The following CNTNAP2 variants were observed in gnomAD, a reference collection of about 807,000 sequenced individuals.
The protein encoded by CNTNAP2 is contactin associated protein 2, also known as contactin-associated protein-like 2.
A neutral mutation model predicts 155.2 loss-of-function variants in CNTNAP2; 98 were observed. The observed-to-expected ratio is 0.63, with a 90% CI of 0.54 to 0.75. The LOEUF (loss-of-function observed/expected upper bound fraction) is 0.75, where lower values mean the gene tolerates loss of function less well. Ranked by LOEUF, CNTNAP2 falls within the 30% of genes least tolerant of loss-of-function variation. The pLI, the probability that CNTNAP2 is intolerant of heterozygous loss-of-function variation, is 0.00. For synonymous variants in CNTNAP2, 651 were observed against 631.2 expected, an observed-to-expected ratio of 1.03 and a Z score of -0.47; for missense variants, 1,727 against 1,688.1, an observed-to-expected ratio of 1.02 and a Z score of -0.40.
chr7:148,209,688 A>G (rs770462737), intron 18 of CNTNAP2, among the ~76,000 whole-genome samples: 1 of 152,130 alleles, frequency 6.6e-6, no homozygotes, highest in Non-Finnish European at 1.5e-5. Flanking sequence ...TTCTCTTTCC[A>G]ATGCATTCAC....
At position 146,606,699 on chromosome 7, in the gene CNTNAP2, T is replaced by G. The variant is rs576020942; in HGVS notation, c.98-167572T>G. 2.0e-5 allele frequency among the ~76,000 whole-genome samples: 3 copies of G among 152,314 alleles called. No individual in the cohort carries two copies. In the South Asian group the frequency reaches 6.2e-4, roughly 32 times the overall value. On this transcript the variant is annotated intron_variant, in intron 1 of 23. Coordinates refer to ENST00000361727, the MANE Select transcript of CNTNAP2 (RefSeq NM_014141.6). The stretch of plus-strand genomic sequence containing the variant: ...AAACCCACTTATTTTGCTTGAGAAA[T>G]TATAAAACAAAACCAGCAGGTGCCT...
At chr7:147,097,259 T>G (rs1422569185) in intron 4 of CNTNAP2, among the ~76,000 whole-genome samples, 1 of 152,228 alleles carries the variant, frequency 6.6e-6, no homozygotes, top group African/African-American at 2.4e-5. Context: ...TGTATAGCGT[T>G]CAGAACATTA....
At chr7:147,793,920 T>C (rs1396792552) in intron 13 of CNTNAP2, among the ~76,000 whole-genome samples, 1 of 152,022 alleles carries the variant, frequency 6.6e-6, no homozygotes, top group African/African-American at 2.4e-5. Context: ...TTATCTTTGA[T>C]GCTGTTGTAA....
At chr7:148,274,509 G>A (rs1394832690) in intron 21 of CNTNAP2, among the ~76,000 whole-genome samples, 1 of 152,166 alleles carries the variant, frequency 6.6e-6, no homozygotes, top group Non-Finnish European at 1.5e-5. Context: ...GAATGGCTTG[G>A]GCCATCTCCT....
intron 1 of CNTNAP2, among the ~76,000 whole-genome samples, chr7:146,133,859 C>G (rs1018379801): frequency 1.3e-5 from 2 of 152,078 alleles, no homozygotes; most frequent in African/African-American, 4.8e-5. Context: ...ATGCCTCCAG[C>G]TTTGTTCTGT....
intron 15 of CNTNAP2, among the ~76,000 whole-genome samples, chr7:148,043,611 T>C (rs1412968734): frequency 2.6e-5 from 4 of 152,252 alleles, no homozygotes; most frequent in African/African-American, 9.6e-5. Flanking sequence ...ATCTGAACTT[T>C]TCTATTTCTC....
At chr7:146,388,587 T>G (rs998274101) in intron 1 of CNTNAP2, among the ~76,000 whole-genome samples, 7 of 152,120 alleles carry the variant, frequency 4.6e-5, no homozygotes, top group African/African-American at 1.7e-4. Context: ...CCTCAGGCAT[T>G]TATCCTTTGA....
intron 13 of CNTNAP2, among the ~76,000 whole-genome samples, chr7:147,757,541 C>T (rs1464518753): frequency 6.6e-6 from 1 of 152,048 alleles, no homozygotes; most frequent in African/African-American, 2.4e-5. Context: ...TTAATTTCCA[C>T]CTCCTTCCAT....
chr7:148,332,354 G>T (rs1371535316), intron 21 of CNTNAP2, among the ~76,000 whole-genome samples: 5 of 152,066 alleles, frequency 3.3e-5, no homozygotes, highest in Non-Finnish European at 5.9e-5. Flanking sequence ...TTATTCTTAG[G>T]ATAATAGGAT....
intron 8 of CNTNAP2, among the ~76,000 whole-genome samples, chr7:147,265,062 G>A (rs577357965): frequency 3.6e-4 from 55 of 152,238 alleles, no homozygotes; most frequent in Non-Finnish European, 5.7e-4. Flanking sequence ...CACCCTTAGC[G>A]TTGCTCAGGT....
chr7:147,481,800 A>G (rs530954253), intron 10 of CNTNAP2, among the ~76,000 whole-genome samples: 3 of 152,286 alleles, frequency 2.0e-5, no homozygotes, highest in African/African-American at 7.2e-5. Flanking sequence ...GTCATTCTCA[A>G]GTAGAAGCAG....
chr7:148,287,884 C>T (rs1458411999), intron 21 of CNTNAP2, among the ~76,000 whole-genome samples: 4 of 150,730 alleles, frequency 2.7e-5, no homozygotes, highest in Admixed American at 6.6e-5. Flanking sequence ...CTCCACCTCC[C>T]GGGTTCAATT....
At chr7:146,743,555 A>G (rs904927128) in intron 1 of CNTNAP2, among the ~76,000 whole-genome samples, 1 of 149,866 alleles carries the variant, frequency 6.7e-6, no homozygotes, top group African/African-American at 2.5e-5. Flanking sequence ...TCTTCTATGC[A>G]CTCCTGCCTA....
intron 10 of CNTNAP2, among the ~76,000 whole-genome samples, chr7:147,435,552 G>A (rs748551163): frequency 4.7e-4 from 71 of 152,348 alleles, no homozygotes; most frequent in Non-Finnish European, 8.7e-4. Context: ...TTGTGACTTA[G>A]CAAGGCTGTT....
chr7:146,937,264 G>A (rs918151264), intron 3 of CNTNAP2, among the ~76,000 whole-genome samples: 4 of 151,212 alleles, frequency 2.6e-5, no homozygotes, highest in African/African-American at 7.3e-5. Context: ...GGTGGCACGC[G>A]CCTGTAGTCC....
At chr7:146,200,743 A>T (rs1798848320) in intron 1 of CNTNAP2, among the ~76,000 whole-genome samples, 2 of 152,110 alleles carry the variant, frequency 1.3e-5, no homozygotes, top group Admixed American at 6.5e-5. Flanking sequence ...GCACTCTGCG[A>T]TGTTTATATC....
chr7:148,116,522 A>G (rs571441235), intron 15 of CNTNAP2, among the ~76,000 whole-genome samples: 4 of 152,188 alleles, frequency 2.6e-5, no homozygotes, highest in African/African-American at 9.7e-5. Context: ...GTGCTGCCCA[A>G]TTCACGAATC....
chr7:146,678,176 C>A (rs1204367794), intron 1 of CNTNAP2, among the ~76,000 whole-genome samples: 2 of 152,002 alleles, frequency 1.3e-5, no homozygotes, highest in Non-Finnish European at 2.9e-5. Context: ...TCAAGCAATT[C>A]TCCTGCCTCA....
intron 15 of CNTNAP2, among the ~76,000 whole-genome samples, chr7:147,988,714 C>A (rs1801662376): frequency 6.6e-6 from 1 of 152,132 alleles, no homozygotes; most frequent in Non-Finnish European, 1.5e-5. Flanking sequence ...GAAACAGCAT[C>A]CCCAGATGCA....
Sources: allele counts gnomAD v4.1 joint callset (sites outside exome capture counted in the v4.1 genomes callset), GRCh38; gene constraint gnomAD v4.1.1; transcripts MANE v1.5; gene names NCBI Gene and HGNC (gene_info 2026-07-23, HGNC 2026-07-21).